ZC3H6: variants seen among roughly 807,000 people sequenced by gnomAD.
The protein encoded by ZC3H6 is zinc finger CCCH domain-containing protein 6.
A neutral mutation model predicts 107.7 loss-of-function variants in ZC3H6; 40 were observed. That is an observed-to-expected ratio of 0.37 (90% CI 0.29 to 0.48). The LOEUF is 0.48. Ranked by LOEUF, ZC3H6 falls within the 20% of genes least tolerant of loss-of-function variation. The pLI, the probability that ZC3H6 is intolerant of heterozygous loss-of-function variation, is 0.98. For missense variants in ZC3H6, 1,267 were observed against 1,410.4 expected (o/e 0.90, Z 1.63); for synonymous variants, 493 against 487.9 (o/e 1.01, Z -0.14).
At chr2:112,290,441 CTGTTGTG>C (rs1436216024) in intron 1 of ZC3H6, among the ~76,000 whole-genome samples, 3 of 152,272 alleles carry the variant, frequency 2.0e-5, no homozygotes, top group African/African-American at 7.2e-5. Flanking sequence ...TGACTTTCCC[CTGTTGTG>C]TGTGCTCATA....
At position 112,276,983 on chromosome 2, in the gene ZC3H6, A is replaced by G. The variant is rs544017967; in HGVS notation, c.32+957A>G. On this transcript the variant is annotated intron_variant, in intron 1 of 11. Transcript: ENST00000409871. Reference sequence around the variant, plus strand: ...AGTAAGAAAAAATATACGTTTTACTATAGACTATATACATTGCTGAAGTTT... The same window carrying G: ...AGTAAGAAAAAATATACGTTTTACTGTAGACTATATACATTGCTGAAGTTT... Among the ~76,000 whole-genome samples the G allele has an allele frequency of 1.3e-3, 201 of 151,902 alleles. 3 individuals carry two copies. The highest frequency in any genetic ancestry group is 5.2e-3 in the Admixed American group (80 of 15,272).
chr2:112,291,415 G>T (rs564397904), intron 1 of ZC3H6, among the ~76,000 whole-genome samples: 3 of 152,282 alleles, frequency 2.0e-5, no homozygotes, highest in African/African-American at 7.2e-5. Context: ...TGTAGTTTTA[G>T]TAGAGACGGG....
chr2:112,324,480 C>G lies in ZC3H6; in HGVS notation c.1669C>G (p.Pro557Ala). ...MGGAYHSPGF[P>A]GHVMKVPREN... ...TGGGGCTTACCACTCCCCAGGCTTT[C>G]CAGGACATGTGATGAAAGTACCCAG... The change falls in exon 10 of 12, where the codon CCA becomes GCA. Residue 557 changes from proline to alanine, a missense_variant. Physicochemically the swap from Pro to Ala is conservative, Grantham distance 27. This residue lies in a region of ZC3H6 where 925 missense variants were observed against 1,025.7 expected (regional missense o/e 0.90). Coordinates refer to ENST00000409871, the MANE Select transcript of ZC3H6 (RefSeq NM_198581.3). 1 of 1,613,762 alleles carries G rather than the reference C, an allele frequency of 6.2e-7. No homozygotes were observed.
At chr2:112,276,168 T>A (rs1686415682) in intron 1 of ZC3H6, 142 bp downstream of exon 1, 1 of 597,516 alleles carries the variant, frequency 1.7e-6, no homozygotes, top group Non-Finnish European at 2.6e-6. Context: ...CACTCTTATG[T>A]AAACTGCTGG....
rs774257755 is a variant in ZC3H6, at chr2:112,331,519, T to G, written c.2601T>G (p.Thr867=). The G allele has an allele frequency of 6.2e-7, 1 of 1,613,998 alleles. No individual in the cohort carries two copies. The highest frequency in any genetic ancestry group is 1.1e-5 in the South Asian group (1 of 91,088). Reference sequence around the variant, plus strand: ...TCAGTCACATTAAAATGGACATTACTCTAACCAAACCCAACTTTGCAAAAC... The same window carrying G: ...TCAGTCACATTAAAATGGACATTACGCTAACCAAACCCAACTTTGCAAAAC... ...RQFSHIKMDI[T]LTKPNFAKHI... The change falls in exon 12 of 12, where the codon ACT becomes ACG. Residue 867 remains threonine (T), a synonymous_variant. Coordinates refer to ENST00000409871, the MANE Select transcript of ZC3H6 (RefSeq NM_198581.3).
Position 112,309,918 on chromosome 2 carries a change from A to G in ZC3H6, c.370A>G (p.Lys124Glu), listed in dbSNP as rs767336980. 17 of 1,592,006 alleles carry G rather than the reference A, an allele frequency of 1.1e-5. No individual in the cohort carries two copies. Among genetic ancestry groups the G allele is most frequent in the Non-Finnish European group, 1.5e-5 (17 of 1,168,372 alleles). Reference sequence around the variant, plus strand: ...TATATCAGGAAGCTACATAACATCAAAGAAGGGTCAACATAACAAAAAATT... The same window carrying G: ...TATATCAGGAAGCTACATAACATCAGAGAAGGGTCAACATAACAAAAAATT... ...GHISGSYITS[K>E]KGQHNKKFKS... The change falls in exon 4 of 12, where the codon AAG (lysine) becomes GAG (glutamate). Residue 124 changes from lysine (K) to glutamate (E), a missense_variant. Physicochemically the swap from Lys to Glu is moderately conservative, Grantham distance 56 (BLOSUM62 1). Transcript: ENST00000409871.
chr2:112,291,874 C>T (rs113285532), intron 1 of ZC3H6, among the ~76,000 whole-genome samples: 24 of 151,750 alleles, frequency 1.6e-4, no homozygotes, highest in Non-Finnish European at 3.2e-4. Flanking sequence ...CCTGCCACCA[C>T]GCCTGGCTAA....
intron 1 of ZC3H6, among the ~76,000 whole-genome samples, chr2:112,294,257 C>G (rs1676182319): frequency 6.6e-6 from 1 of 151,916 alleles, no homozygotes; most frequent in African/African-American, 2.4e-5. Context: ...AGCAGTTATC[C>G]TACCTTATCA....
intron 1 of ZC3H6, among the ~76,000 whole-genome samples, chr2:112,296,227 A>T (rs553241900): frequency 5.3e-5 from 8 of 152,182 alleles, no homozygotes; most frequent in African/African-American, 1.9e-4. Flanking sequence ...GGTAATCACT[A>T]TTCTGACTTC....
At chr2:112,317,695 T>C (rs1489125344) in intron 7 of ZC3H6, among the ~76,000 whole-genome samples, 2 of 152,182 alleles carry the variant, frequency 1.3e-5, no homozygotes, top group Non-Finnish European at 2.9e-5. Flanking sequence ...TTGTGAAGAT[T>C]ATAAGTCTTA....
At position 112,331,152 on chromosome 2, in the gene ZC3H6, T is replaced by G; in HGVS notation, c.2234T>G (p.Leu745Arg). 6.2e-7 allele frequency: 1 copy of G among 1,613,630 alleles called. No individual in the cohort carries two copies. Among genetic ancestry groups the G allele is most frequent in the African/African-American group, 1.3e-5 (1 of 75,002 alleles). Residue 745 changes from leucine (L) to arginine (R), a missense_variant, in exon 12 of 12, where the codon CTT (leucine) becomes CGT (arginine). Physicochemically the swap from Leu to Arg is moderately radical, Grantham distance 102. Transcript: ENST00000409871. Reference sequence around the variant, plus strand: ...CTCAGCACTCCTACTGATCCAAGACTTGCTAAAGAGAAAAGTAAAGGAAAC... The same window carrying G: ...CTCAGCACTCCTACTGATCCAAGACGTGCTAAAGAGAAAAGTAAAGGAAAC... ...TELSTPTDPR[L>R]AKEKSKGNQV... is the part of the protein sequence containing the mutation.
At chr2:112,307,439 T>C (rs1442869758) in intron 3 of ZC3H6, among the ~76,000 whole-genome samples, 4 of 152,162 alleles carry the variant, frequency 2.6e-5, no homozygotes, top group Non-Finnish European at 5.9e-5. Flanking sequence ...AAATAATCAG[T>C]TGGCAAAGTG....
intron 1 of ZC3H6, among the ~76,000 whole-genome samples, chr2:112,289,722 A>G (rs79027836): frequency 1.3e-5 from 2 of 149,134 alleles, no homozygotes; most frequent in East Asian, 2.0e-4. Flanking sequence ...TGATTTAAAT[A>G]TTTTTACCGT....
rs751711249 is a variant in ZC3H6 at position 112,331,198 on chromosome 2, T to C, written c.2280T>C (p.Leu760=). 1.9e-6 allele frequency: 3 copies of C among 1,613,490 alleles called. No homozygotes were observed. The East Asian group carries it at 6.7e-5, about 36-fold the overall frequency. The change falls in exon 12 of 12, where the codon CTT becomes CTC. Residue 760 remains leucine (L), a synonymous_variant. Coordinates refer to ENST00000409871, the MANE Select transcript of ZC3H6 (RefSeq NM_198581.3). ...SKGNQVVDPR[L]RTIPRQDIRK... ...GAAACCAAGTGGTTGACCCTAGGCTTAGGACTATCCCAAGGCAAGACATTA... is the reference window on the plus strand; with the variant it reads ...GAAACCAAGTGGTTGACCCTAGGCTCAGGACTATCCCAAGGCAAGACATTA...
chr2:112,286,321 A>G (rs1030678394), intron 1 of ZC3H6: 4 of 220,810 alleles, frequency 1.8e-5, no homozygotes, highest in Non-Finnish European at 3.6e-5. Context: ...TTAATGGTCA[A>G]CCACTTGGCT....
At chr2:112,297,014 G>T (rs552580848) in intron 1 of ZC3H6, among the ~76,000 whole-genome samples, 1 of 152,306 alleles carries the variant, frequency 6.6e-6, no homozygotes, top group East Asian at 1.9e-4. Flanking sequence ...AGGTGAAAGA[G>T]GTGTGGTGAG....
At chr2:112,317,488 T>G (rs1360151181) in intron 7 of ZC3H6, among the ~76,000 whole-genome samples, 156 bp downstream of exon 7, 1 of 152,190 alleles carries the variant, frequency 6.6e-6, no homozygotes, top group African/African-American at 2.4e-5. Context: ...ACTTTGTACT[T>G]CAAAAGAGCA....
intron 1 of ZC3H6, among the ~76,000 whole-genome samples, chr2:112,292,715 G>A (rs1339032863): frequency 6.6e-6 from 1 of 152,220 alleles, no homozygotes; most frequent in East Asian, 1.9e-4. Flanking sequence ...AAGCTATGCT[G>A]TTACCTGTAA....
intron 1 of ZC3H6, among the ~76,000 whole-genome samples, chr2:112,291,024 C>T (rs1676103955): frequency 6.6e-6 from 1 of 152,194 alleles, no homozygotes; most frequent in South Asian, 2.1e-4. Flanking sequence ...TCTTGAGCAA[C>T]TGGTCTGTTT....
Sources: gnomAD v4.1 joint callset for allele counts (sites outside exome capture counted in the v4.1 genomes callset) on GRCh38, gnomAD v4.1.1 for gene constraint, gnomAD v4.1.1 regional missense constraint, MANE v1.5 for transcripts, NCBI Gene and HGNC (gene_info 2026-07-23, HGNC 2026-07-21) for gene names.